Variants in SV2B observed in about 807,000 individuals in gnomAD.
The protein encoded by SV2B is solute carrier family 22 member B2.
A neutral mutation model predicts 73.9 loss-of-function variants in SV2B; 41 were observed. That is an observed-to-expected ratio of 0.56 (90% CI 0.43 to 0.72). SV2B has a LOEUF of 0.72. Ranked by LOEUF, SV2B falls within the 30% of genes least tolerant of loss-of-function variation. The pLI is 0.00. For missense variants in SV2B, 764 were observed against 857.8 expected, an observed-to-expected ratio of 0.89 and a Z score of 1.37; for synonymous variants, 314 against 314.2, an observed-to-expected ratio of 1.00 and a Z score of 0.01.
chr15:91,137,669 A>G lies in SV2B; in HGVS notation c.-392+37306A>G, dbSNP rs189189618. ...ACATATATATTTCATATATACATAT[A>G]TTTCATATATATATACACACACACA... is the stretch of plus-strand genomic sequence containing the variant. On this transcript the variant is annotated intron_variant, in intron 1 of 12. Transcript: ENST00000394232. The surrounding 1 kb of genome is among the most constrained non-coding windows in gnomAD (Gnocchi z 4.9). 1.4e-3 allele frequency among the ~76,000 whole-genome samples: 204 copies of G among 148,582 alleles called. 2 individuals are homozygous for G. Among genetic ancestry groups the G allele is most frequent in the African/African-American group, 4.8e-3 (194 of 40,782 alleles).
intron 1 of SV2B, among the ~76,000 whole-genome samples, chr15:91,211,324 G>A (rs1223430897): frequency 2.6e-5 from 4 of 152,098 alleles, no homozygotes; most frequent in South Asian, 4.1e-4. Flanking sequence ...CATGAGAAGG[G>A]GATCATGGGT....
intron 1 of SV2B, among the ~76,000 whole-genome samples, chr15:91,133,846 G>A (rs2141162643): frequency 6.6e-6 from 1 of 152,270 alleles, no homozygotes; most frequent in Middle Eastern, 3.4e-3. Context: ...AACTTCTGCA[G>A]TGCACTTATG....
chr15:91,270,843 G>GGACGGTGAGTCCTGTGGATGATGGGA (rs1567417722), intron 9 of SV2B, among the ~76,000 whole-genome samples: 5 of 92,864 alleles, frequency 5.4e-5, no homozygotes, highest in Non-Finnish European at 1.1e-4. Context: ...GGATGATGGG[G>GGACGGTGAGTCCTGTGGATGATGGGA]GGACGGTGAA....
chr15:91,175,904 T>G (rs1027978151), intron 1 of SV2B, among the ~76,000 whole-genome samples: 1 of 151,944 alleles, frequency 6.6e-6, no homozygotes, highest in Non-Finnish European at 1.5e-5. Flanking sequence ...TTATTATTAT[T>G]ATACTTTAAG....
chr15:91,121,569 A>C lies in SV2B; in HGVS notation c.-392+21206A>C, dbSNP rs996864867. ...TTTTTTCTTTTCTGTCTGAAGGTAGACTTGACATGTGGGCAAACCGAGCAG... is the reference window on the plus strand; with the variant it reads ...TTTTTTCTTTTCTGTCTGAAGGTAGCCTTGACATGTGGGCAAACCGAGCAG... On this transcript the variant is annotated intron_variant, in intron 1 of 12. Coordinates refer to ENST00000394232, the MANE Select transcript of SV2B (RefSeq NM_001323032.3). This position sits in a 1 kb window ranked among gnomAD's most constrained non-coding sequence, Gnocchi z 4.4. 6.6e-6 allele frequency among the ~76,000 whole-genome samples: 1 copy of C among 151,690 alleles called. No homozygotes were observed. The highest frequency in any genetic ancestry group is 2.4e-5 in the African/African-American group (1 of 41,242).
intron 4 of SV2B, among the ~76,000 whole-genome samples, chr15:91,255,900 A>T (rs1054514311): frequency 6.6e-6 from 1 of 152,224 alleles, no homozygotes; most frequent in African/African-American, 2.4e-5. Flanking sequence ...CTAATGCATT[A>T]ATCTTCTAAC....
intron 1 of SV2B, among the ~76,000 whole-genome samples, chr15:91,192,400 A>G (rs777638521): frequency 2.0e-5 from 3 of 152,214 alleles, no homozygotes; most frequent in African/African-American, 4.8e-5. Flanking sequence ...CTCTTTGTCA[A>G]TAGGACTTCT....
In SV2B at chr15:91,262,705, A is replaced by T. The variant is rs954552784; in HGVS notation, c.1008+2296A>T. On this transcript the variant is annotated intron_variant, in intron 6 of 12. Coordinates refer to ENST00000394232, the MANE Select transcript of SV2B (RefSeq NM_001323032.3). ...TTGGCTCCCACTTATAAGGGAGAAC[A>T]TGTACTGCAAACATTTATTAAGAAG... Among the ~76,000 whole-genome samples the T allele has an allele frequency of 7.2e-5, 11 of 152,136 alleles. No individual in the cohort carries two copies. In the East Asian group the frequency reaches 2.1e-3, roughly 29 times the overall value.
At chr15:91,174,699 G>C (rs554292295) in intron 1 of SV2B, among the ~76,000 whole-genome samples, 5 of 152,172 alleles carry the variant, frequency 3.3e-5, no homozygotes, top group Admixed American at 3.3e-4. Context: ...TGTAGTGATA[G>C]TCAAAGAAAA....
At chr15:91,274,976 T>A (rs181063451) in intron 9 of SV2B, among the ~76,000 whole-genome samples, 1 of 152,276 alleles carries the variant, frequency 6.6e-6, no homozygotes, top group African/African-American at 2.4e-5. Flanking sequence ...TCAGTGTTTG[T>A]ATAACTTTTT....
rs574805145 is a variant in SV2B at position 91,251,949 on chromosome 15, C to T, written c.582C>T (p.Phe194=). 41 of 1,613,972 alleles carry T rather than the reference C, an allele frequency of 2.5e-5. No homozygotes were observed. In the African/African-American group the frequency reaches 2.7e-4, roughly 11 times the overall value. ...CCTCCTTCGCCTCCCTCTCTTCCTT[C>T]GTGCAGGGATATGGAGCCTTCCTCT... ...VNASFASLSS[F]VQGYGAFLFC... The change falls in exon 3 of 13, where the codon TTC becomes TTT. Residue 194 remains phenylalanine, a synonymous_variant. Transcript: ENST00000394232.
chr15:91,132,906 G>A lies in SV2B; in HGVS notation c.-392+32543G>A, dbSNP rs551555280. Among the ~76,000 whole-genome samples the A allele has an allele frequency of 2.2e-3, 337 of 152,304 alleles. 4 individuals carry two copies. The highest frequency in any genetic ancestry group is 3.7e-3 in the South Asian group (18 of 4,832). ...TTGTGCATGTCTCTGGTTCCTCATG[G>A]GAATTGGCGCCATTTCACTTAAGGC... On this transcript the variant is annotated intron_variant, in intron 1 of 12. Coordinates refer to ENST00000394232, the MANE Select transcript of SV2B (RefSeq NM_001323032.3). The surrounding 1 kb of genome is among the most constrained non-coding windows in gnomAD (Gnocchi z 4.6).
intron 4 of SV2B, among the ~76,000 whole-genome samples, chr15:91,255,344 A>G (rs551808810): frequency 6.6e-4 from 101 of 152,316 alleles, no homozygotes; most frequent in African/African-American, 2.4e-3. Flanking sequence ...AGATGAGATG[A>G]TTATTCTAAA....
At chr15:91,191,048 GT>G (rs1207790648) in intron 1 of SV2B, among the ~76,000 whole-genome samples, 1 of 94,816 alleles carries the variant, frequency 1.1e-5, no homozygotes, top group Non-Finnish European at 2.3e-5. Flanking sequence ...TACCCTGGTG[GT>G]TTTTTTGGTG....
At position 91,283,545 on chromosome 15, in the gene SV2B, C is replaced by T. The variant is rs2048750276; in HGVS notation, c.1508-476C>T. Among the ~76,000 whole-genome samples the T allele has an allele frequency of 6.6e-6, 1 of 152,160 alleles. No individual in the cohort carries two copies. Among genetic ancestry groups the T allele is most frequent in the African/African-American group, 2.4e-5 (1 of 41,426 alleles). Reference sequence around the variant, plus strand: ...TGACCTCCTGGGCTCAAGTGATCCTCCTGCCTCAGGTGCCAGAGTAGCTGG... The same window carrying T: ...TGACCTCCTGGGCTCAAGTGATCCTTCTGCCTCAGGTGCCAGAGTAGCTGG... On this transcript the variant is annotated intron_variant, in intron 10 of 12. Transcript: ENST00000394232. This position sits in a 1 kb window ranked among gnomAD's most constrained non-coding sequence, Gnocchi z 4.3.
In SV2B at chr15:91,207,333, G is replaced by GT. The variant is rs199732480; in HGVS notation, c.-391-18532dup. On this transcript the variant is annotated intron_variant, in intron 1 of 12. Transcript: ENST00000394232. ...TCACTGTGCCTGGTCTTAAAACAAT[G>GT]TTTTTTTTCTGTCGGATATCTAAAA... Among the ~76,000 whole-genome samples the GT allele has an allele frequency of 4.8e-3, 725 of 151,674 alleles. 5 individuals are homozygous for GT. The highest frequency in any genetic ancestry group is 0.017 in the African/African-American group (690 of 41,328).
chr15:91,140,885 G>A lies in SV2B; in HGVS notation c.-392+40522G>A, dbSNP rs192775052. ...TTGATAAACACACACCGAGATAGAA[G>A]ACTCTCTGTTTTCTTATGGCCACAG... On this transcript the variant is annotated intron_variant, in intron 1 of 12. Transcript: ENST00000394232. The surrounding 1 kb of genome is among the most constrained non-coding windows in gnomAD (Gnocchi z 4.4). 2.3e-3 allele frequency among the ~76,000 whole-genome samples: 351 copies of A among 152,192 alleles called. 2 individuals are homozygous for A. Among genetic ancestry groups the A allele is most frequent in the African/African-American group, 8.0e-3 (331 of 41,498 alleles).
intron 1 of SV2B, among the ~76,000 whole-genome samples, chr15:91,188,825 TATTA>T (rs2044883306): frequency 6.6e-6 from 1 of 152,080 alleles, no homozygotes; most frequent in Admixed American, 6.6e-5. Context: ...CTCTTATTTT[TATTA>T]ATTTATTTAT....
chr15:91,174,570 A>G (rs2044236486), intron 1 of SV2B, among the ~76,000 whole-genome samples: 1 of 152,188 alleles, frequency 6.6e-6, no homozygotes, highest in South Asian at 2.1e-4. Context: ...TTGTGATTAA[A>G]TAATATTCGT....
Sources: gnomAD v4.1 joint callset for allele counts (sites outside exome capture counted in the v4.1 genomes callset) on GRCh38, gnomAD v4.1.1 for gene constraint, Gnocchi (gnomAD v3.1) non-coding constraint, MANE v1.5 for transcripts, NCBI Gene and HGNC (gene_info 2026-07-23, HGNC 2026-07-21) for gene names.